Variants in NUDC observed in about 807,000 individuals in gnomAD.
NUDC encodes the protein nuclear migration protein nudC.
Under a neutral mutation model 45.0 loss-of-function variants are expected in NUDC, and 14 were observed. That is an observed-to-expected ratio of 0.31 (90% CI 0.21 to 0.49). The LOEUF (loss-of-function observed/expected upper bound fraction) is 0.49. Ranked by LOEUF, NUDC falls within the 20% of genes least tolerant of loss-of-function variation. The pLI is 0.99. For synonymous variants in NUDC, 153 were observed against 156.7 expected (o/e 0.98, Z 0.17); for missense variants, 323 against 426.2 (o/e 0.76, Z 2.13).
intron 2 of NUDC, among the ~76,000 whole-genome samples, chr1:26,940,913 C>T (rs943881625): frequency 1.3e-5 from 2 of 150,470 alleles, no homozygotes; most frequent in Admixed American, 6.6e-5. Context: ...GTCTCCAATT[C>T]CTTTATTTAT....
chr1:26,927,469 C>T (rs1267695897), intron 2 of NUDC, among the ~76,000 whole-genome samples: 3 of 150,546 alleles, frequency 2.0e-5, no homozygotes, highest in Non-Finnish European at 4.4e-5. Flanking sequence ...GCGATCTCAG[C>T]TCACTGCAAT....
At position 26,911,433 on chromosome 1, in the gene NUDC, G is replaced by A. The variant is rs953632931; in HGVS notation, c.93+198G>A. 9.0e-5 allele frequency: 31 copies of A among 343,792 alleles called. 1 individual carries two copies. Among genetic ancestry groups the A allele is most frequent in the South Asian group, 7.1e-4 (31 of 43,934 alleles). The allele number at this position is 343,792 out of a possible 1,614,324, so 21.3% of individuals were successfully genotyped here. ...GCTACCTCTGATAGCAGCAGGGTGGGCCCTGGAGGTGAGACAGTCCCTTCC... is the reference window on the plus strand; with the variant it reads ...GCTACCTCTGATAGCAGCAGGGTGGACCCTGGAGGTGAGACAGTCCCTTCC... On this transcript the variant is annotated intron_variant, in intron 3 of 6. Transcript: ENST00000435827.
At chr1:26,908,123 G>A (rs768463083) in intron 2 of NUDC, among the ~76,000 whole-genome samples, 4 of 152,012 alleles carry the variant, frequency 2.6e-5, no homozygotes, top group East Asian at 1.9e-4. Flanking sequence ...AGGTTGCAGT[G>A]AGCCGAGATC....
intron 2 of NUDC, among the ~76,000 whole-genome samples, chr1:26,938,964 G>A (rs1056621441): frequency 6.6e-6 from 1 of 152,162 alleles, no homozygotes; most frequent in African/African-American, 2.4e-5. Flanking sequence ...TGAGAATGGG[G>A]ATGAGACATT....
chr1:26,936,884 A>G (rs368829936), intron 2 of NUDC, among the ~76,000 whole-genome samples: 6 of 152,060 alleles, frequency 3.9e-5, no homozygotes, highest in East Asian at 1.9e-4. Flanking sequence ...CTACAATTCA[A>G]TTGAATTCTG....
upstream of NUDC, among the ~76,000 whole-genome samples, chr1:26,916,923 C>T (rs1325654175): frequency 6.6e-6 from 1 of 152,154 alleles, no homozygotes; most frequent in East Asian, 1.9e-4. Context: ...CCACTGCACT[C>T]TAGCCTGGGC....
chr1:26,915,722 T>C (rs2082058642), intron 3 of NUDC, among the ~76,000 whole-genome samples: 1 of 152,184 alleles, frequency 6.6e-6, no homozygotes, highest in Admixed American at 6.5e-5. Context: ...GAGGTCCTGG[T>C]TGTTAAATTC....
intron 2 of NUDC, among the ~76,000 whole-genome samples, chr1:26,909,938 C>A (rs1180791327): frequency 6.6e-6 from 1 of 151,956 alleles, no homozygotes; most frequent in Non-Finnish European, 1.5e-5. Flanking sequence ...TTGAAGTCAC[C>A]AGGGGGAAAG....
At chr1:26,915,544 G>T (rs1054945003) in intron 3 of NUDC, among the ~76,000 whole-genome samples, 1 of 152,174 alleles carries the variant, frequency 6.6e-6, no homozygotes, top group African/African-American at 2.4e-5. Context: ...ATGCTGTTGG[G>T]CAGCCTGGTG....
intron 2 of NUDC, among the ~76,000 whole-genome samples, chr1:26,934,827 T>C (rs1336786980): frequency 2.0e-5 from 3 of 151,288 alleles, no homozygotes; most frequent in Non-Finnish European, 4.4e-5. Context: ...CCGGCTAATT[T>C]TTTGTGTTTT....
At chr1:26,903,934 C>A (rs186270420) in intron 2 of NUDC, among the ~76,000 whole-genome samples, 3,668 of 150,548 alleles carry the variant, frequency 0.024, 159 homozygotes, top group African/African-American at 0.086. Context: ...TGGTGTGAAC[C>A]CGGGAGGCGG....
intron 2 of NUDC, among the ~76,000 whole-genome samples, chr1:26,929,156 C>G (rs970354144): frequency 4.6e-5 from 7 of 152,164 alleles, no homozygotes; most frequent in African/African-American, 9.7e-5. Context: ...ATAAGCTGGT[C>G]ACAAAAGGAC....
intron 2 of NUDC, 119 bp downstream of exon 2, chr1:26,924,285 A>T: frequency 1.2e-6 from 1 of 825,994 alleles, no homozygotes. Flanking sequence ...AAGGTGAGGA[A>T]TTGGGGAAGG....
intron 2 of NUDC, among the ~76,000 whole-genome samples, chr1:26,939,263 C>G (rs1290748208): frequency 6.6e-6 from 1 of 152,188 alleles, no homozygotes; most frequent in East Asian, 1.9e-4. Flanking sequence ...AGTGATCCAC[C>G]TGCCTCATCT....
chr1:26,910,115 G>T (rs986640600), intron 2 of NUDC, among the ~76,000 whole-genome samples: 4 of 152,168 alleles, frequency 2.6e-5, no homozygotes, highest in Admixed American at 2.0e-4. Context: ...TGGCATGGGG[G>T]TGTCTCCCCA....
At chr1:26,942,573 A>G in intron 4 of NUDC, 87 bp from the exon 5 acceptor site, 1 of 1,593,146 alleles carries the variant, frequency 6.3e-7, no homozygotes. Context: ...CTGTATGCCC[A>G]GTGCTAGCCC....
intron 3 of NUDC, among the ~76,000 whole-genome samples, chr1:26,915,017 T>TATATGTATATGTATATGTATATG (rs1557668269): frequency 5.6e-5 from 5 of 88,772 alleles, no homozygotes; most frequent in African/African-American, 1.9e-4. Context: ...ATATGTATAT[T>TATATGTATATGTATATGTATATG]TATATGTATA....
intron 2 of NUDC, among the ~76,000 whole-genome samples, chr1:26,910,195 A>G (rs549012852): frequency 6.6e-6 from 1 of 152,220 alleles, no homozygotes; most frequent in Admixed American, 6.5e-5. Context: ...TCTGCAGTAC[A>G]TTGCTGAGTG....
chr1:26,941,344 T>C, intron 2 of NUDC, 113 bp from the exon 3 acceptor site: 1 of 1,051,868 alleles, frequency 9.5e-7, no homozygotes, highest in South Asian at 1.4e-5. Context: ...AAACCGAGTT[T>C]CTGGGTGCAG....
Sources: gnomAD v4.1 joint callset for allele counts (sites outside exome capture counted in the v4.1 genomes callset) on GRCh38, gnomAD v4.1.1 for gene constraint, MANE v1.5 for transcripts, NCBI Gene and HGNC (gene_info 2026-07-23, HGNC 2026-07-21) for gene names.